The following DTNA variants were observed in gnomAD, a reference collection of about 807,000 sequenced individuals.
DTNA encodes the protein dystrobrevin alpha.
Under a neutral mutation model 100.7 loss-of-function variants are expected in DTNA, and 43 were observed. The observed-to-expected ratio is 0.43, with a 90% CI of 0.33 to 0.55. The LOEUF is 0.55. DTNA is among the 20% of genes least tolerant of loss of function. The pLI, the probability that DTNA is intolerant of heterozygous loss-of-function variation, is 0.04. For synonymous variants in DTNA, 349 were observed against 347.9 expected (o/e 1.00, Z -0.04); for missense variants, 798 against 953.9 (o/e 0.84, Z 2.15).
At chr18:34,613,401 A>G (rs1473656725) in intron 1 of DTNA, among the ~76,000 whole-genome samples, 1 of 152,216 alleles carries the variant, frequency 6.6e-6, no homozygotes, top group East Asian at 1.9e-4. Context: ...TTTAAATAAT[A>G]ATTAGAAATG....
At position 34,882,218 on chromosome 18, in the gene DTNA, C is replaced by A; in HGVS notation, c.2295+17C>A. ...GCTTATCAGGTACAGGGATCCAGGCCCACCCCACCCCACCTCTTCTGCCTC... is the reference window on the plus strand; with the variant it reads ...GCTTATCAGGTACAGGGATCCAGGCACACCCCACCCCACCTCTTCTGCCTC... On this transcript the variant is annotated intron_variant, in intron 21 of 22. Coordinates refer to ENST00000444659, the MANE Select transcript of DTNA (RefSeq NM_001386795.1). 6.2e-7 allele frequency: 1 copy of A among 1,613,034 alleles called. No homozygotes were observed. Among genetic ancestry groups the A allele is most frequent in the South Asian group, 1.1e-5 (1 of 90,936 alleles).
chr18:34,830,640 A>C (rs1420039811), intron 11 of DTNA, among the ~76,000 whole-genome samples: 3 of 151,660 alleles, frequency 2.0e-5, no homozygotes, highest in African/African-American at 4.9e-5. Context: ...TCTCAAAGGC[A>C]CTCTCCCTTG....
At chr18:34,776,629 C>T (rs1817452) in intron 3 of DTNA, among the ~76,000 whole-genome samples, 121,778 of 152,146 alleles carry the variant, frequency 0.8, 49,191 homozygotes, top group East Asian at 0.91. Context: ...GCATAAGCCA[C>T]CGTGCCTGGC....
At position 34,507,815 on chromosome 18, in the gene DTNA, G is replaced by A. The variant is rs954970777; in HGVS notation, c.-2+14301G>A. On this transcript the variant is annotated intron_variant, in intron 1 of 19. Transcript: ENST00000283365. The stretch of plus-strand genomic sequence containing the variant: ...AATCTGTCTTATAGCCAGCTATACA[G>A]GGGATTGTGCTACACGCTAACGTTG... 3.3e-5 allele frequency among the ~76,000 whole-genome samples: 5 copies of A among 152,162 alleles called. No homozygotes were observed. In the East Asian group the frequency reaches 9.6e-4, roughly 29 times the overall value.
intron 3 of DTNA, among the ~76,000 whole-genome samples, chr18:34,784,275 A>T (rs893052823): frequency 1.3e-5 from 2 of 152,232 alleles, no homozygotes; most frequent in Non-Finnish European, 2.9e-5. Context: ...AAAAACAAAG[A>T]TATTCCCTCA....
intron 1 of DTNA, among the ~76,000 whole-genome samples, chr18:34,643,539 G>C (rs1275054267): frequency 1.3e-5 from 2 of 152,134 alleles, no homozygotes; most frequent in African/African-American, 2.4e-5. Flanking sequence ...CAGGAAATCT[G>C]TTTATTCTTT....
chr18:34,525,665 A>G (rs1476892143), intron 1 of DTNA, among the ~76,000 whole-genome samples: 1 of 151,932 alleles, frequency 6.6e-6, no homozygotes, highest in African/African-American at 2.4e-5. Context: ...AAGTAAAACT[A>G]CTCCTCTGAC....
intron 20 of DTNA, among the ~76,000 whole-genome samples, chr18:34,881,437 CTTTTTTTTTTTTT>C (rs752828928): frequency 1.9e-5 from 1 of 51,382 alleles, no homozygotes; most frequent in African/African-American, 8.4e-5. Flanking sequence ...AATTAAAATG[CTTTTTTTTTTTTT>C]TTTTTTTTTT....
chr18:34,555,456 A>C (rs2045928701), intron 1 of DTNA, among the ~76,000 whole-genome samples: 2 of 151,534 alleles, frequency 1.3e-5, no homozygotes, highest in East Asian at 1.9e-4. Flanking sequence ...TAGTTCTTTT[A>C]ATTGTGATGT....
chr18:34,519,204 A>G (rs180905501), intron 1 of DTNA, among the ~76,000 whole-genome samples: 3 of 152,284 alleles, frequency 2.0e-5, no homozygotes, highest in East Asian at 3.9e-4. Flanking sequence ...TGTCCTAGTA[A>G]TTGTTTTCCG....
intron 1 of DTNA, among the ~76,000 whole-genome samples, chr18:34,533,371 CAAA>C (rs574923147): frequency 4.7e-5 from 4 of 85,164 alleles, no homozygotes; most frequent in Admixed American, 1.3e-4. Flanking sequence ...AACTCCATCT[CAAA>C]AAAAAAAAAA....
chr18:34,888,003 A>G lies in DTNA; in HGVS notation c.*269A>G. 5 of 985,730 alleles carry G rather than the reference A, an allele frequency of 5.1e-6. No homozygotes were observed. The highest frequency in any genetic ancestry group is 6.0e-6 in the Non-Finnish European group (5 of 829,912). 61.1% of individuals were successfully genotyped at this position (985,730 alleles called of 1,614,324 possible). A position where few individuals can be genotyped will look rare whatever the true frequency, so the allele number is the denominator to read the frequency against. The stretch of plus-strand genomic sequence containing the variant: ...GCATAGGTGTGTGTTTCAAGAAGGA[A>G]AAAAAAAGACTTCTGTTCAAAGTTA... On this transcript the variant is annotated 3_prime_UTR_variant, in exon 23 of 23. Coordinates refer to ENST00000444659, the MANE Select transcript of DTNA (RefSeq NM_001386795.1).
At chr18:34,722,214 A>T in intron 1 of DTNA, among the ~76,000 whole-genome samples, 1 of 152,228 alleles carries the variant, frequency 6.6e-6, no homozygotes, top group South Asian at 2.1e-4. Context: ...ATTAAAATAA[A>T]GAAGAATGTC....
At chr18:34,728,632 A>C (rs2087323724) in intron 1 of DTNA, among the ~76,000 whole-genome samples, 1 of 152,128 alleles carries the variant, frequency 6.6e-6, no homozygotes, top group Non-Finnish European at 1.5e-5. Context: ...AGTTGGCTGC[A>C]GACTCATTTA....
At chr18:34,689,566 A>G (rs2079431933) in intron 1 of DTNA, among the ~76,000 whole-genome samples, 1 of 152,144 alleles carries the variant, frequency 6.6e-6, no homozygotes, top group African/African-American at 2.4e-5. Flanking sequence ...GCTATTCTGT[A>G]TGAGGTATCT....
chr18:34,744,599 G>A (rs1209506348), intron 1 of DTNA, among the ~76,000 whole-genome samples: 1 of 152,162 alleles, frequency 6.6e-6, no homozygotes, highest in African/African-American at 2.4e-5. Context: ...TTGGAGCAGA[G>A]AATGAGAGAA....
chr18:34,866,230 CAGTTTGGAA>C, intron 17 of DTNA: 1 of 1,610,516 alleles, frequency 6.2e-7, no homozygotes, highest in South Asian at 1.1e-5. Context: ...GTTCATGCTT[CAGTTTGGAA>C]AGAGAAAAAA....
chr18:34,646,300 A>G (rs1400779407), intron 1 of DTNA, among the ~76,000 whole-genome samples: 1 of 152,150 alleles, frequency 6.6e-6, no homozygotes, highest in African/African-American at 2.4e-5. Context: ...CAATAAACTT[A>G]TTTTCTAGAT....
chr18:34,771,226 G>A (rs949966959), intron 3 of DTNA, among the ~76,000 whole-genome samples: 2 of 152,192 alleles, frequency 1.3e-5, no homozygotes, highest in East Asian at 1.9e-4. Flanking sequence ...AAGTCCAGGC[G>A]TGGTGGCTCA....
Sources: gnomAD v4.1 joint callset for allele counts (sites outside exome capture counted in the v4.1 genomes callset) on GRCh38, gnomAD v4.1.1 for gene constraint, MANE v1.5 for transcripts, NCBI Gene and HGNC (gene_info 2026-07-23, HGNC 2026-07-21) for gene names.